Variants in FBXL7 observed in about 807,000 individuals in gnomAD.
FBXL7 encodes F-box and leucine rich repeat protein 7, also known as F-box/LRR-repeat protein 7.
A neutral mutation model predicts 38.3 loss-of-function variants in FBXL7; 12 were observed. That is an observed-to-expected ratio of 0.31 (90% CI 0.20 to 0.51). The LOEUF (loss-of-function observed/expected upper bound fraction) is 0.51, where lower values mean the gene tolerates loss of function less well. Among genes scored for constraint, FBXL7 ranks in the 20% least tolerant of loss-of-function variants. The pLI is 0.98. For synonymous variants in FBXL7, 297 were observed against 300.9 expected (o/e 0.99, Z 0.13); for missense variants, 567 against 676.4 (o/e 0.84, Z 1.79).
chr5:15,804,056 C>T lies in FBXL7; in HGVS notation c.128-123834C>T, dbSNP rs541039183. On this transcript the variant is annotated intron_variant, in intron 2 of 3. Transcript: ENST00000504595. ...ACCACATACTGTTATTTATGACTGTCCCTTCTGACCCAAATATTAAAATAA... is the reference window on the plus strand; with the variant it reads ...ACCACATACTGTTATTTATGACTGTTCCTTCTGACCCAAATATTAAAATAA... Among the ~76,000 whole-genome samples, 11 of 152,284 alleles carry T rather than the reference C, an allele frequency of 7.2e-5. No homozygotes were observed. In the South Asian group the frequency reaches 2.1e-3, roughly 29 times the overall value.
chr5:15,797,747 A>G (rs770072634), intron 2 of FBXL7, among the ~76,000 whole-genome samples: 1 of 152,262 alleles, frequency 6.6e-6, no homozygotes. Context: ...GGAAATGACT[A>G]GATTTTAATA....
At chr5:15,646,975 G>T (rs6878966) in intron 2 of FBXL7, among the ~76,000 whole-genome samples, 23,135 of 152,138 alleles carry the variant, frequency 0.15, 1,901 homozygotes, top group Non-Finnish European at 0.18. Context: ...CAGGAAAACC[G>T]CTAATTTAGT....
chr5:15,822,196 C>CA (rs5866161), intron 2 of FBXL7, among the ~76,000 whole-genome samples: 2,135 of 128,020 alleles, frequency 0.017, 34 homozygotes, highest in African/African-American at 0.042. Flanking sequence ...ACTAAAAATA[C>CA]AAAAAAAAAA....
intron 2 of FBXL7, among the ~76,000 whole-genome samples, chr5:15,665,238 A>G (rs1376774399): frequency 2.0e-5 from 3 of 152,182 alleles, no homozygotes; most frequent in Non-Finnish European, 4.4e-5. Context: ...AATTTTTACC[A>G]TGAGCCCCTG....
rs1443758402 is a variant in FBXL7 at position 15,937,130 on chromosome 5, G to A, written c.1420G>A (p.Val474Ile). ...CEVSVEALRF[V>I]KRHCKRCVIE... ...GGTCTCCGTGGAGGCCCTGCGCTTT[G>A]TCAAACGCCACTGCAAGCGCTGCGT... The change falls in exon 4 of 4, where the codon GTC becomes ATC. Residue 474 changes from valine to isoleucine, a missense_variant. Physicochemically the swap from Val to Ile is conservative, Grantham distance 29. Transcript: ENST00000504595. 3 of 1,610,968 alleles carry A rather than the reference G, an allele frequency of 1.9e-6. No individual in the cohort carries two copies. The African/African-American group carries it at 4.0e-5, about 22-fold the overall frequency.
At chr5:15,916,045 G>A (rs755653272) in intron 2 of FBXL7, among the ~76,000 whole-genome samples, 14 of 152,148 alleles carry the variant, frequency 9.2e-5, no homozygotes, top group Non-Finnish European at 1.9e-4. Flanking sequence ...AATACAGAAC[G>A]TAAGGCGGAA....
intron 2 of FBXL7, among the ~76,000 whole-genome samples, chr5:15,661,103 C>T (rs1447855117): frequency 6.6e-6 from 1 of 152,124 alleles, no homozygotes; most frequent in East Asian, 1.9e-4. Context: ...ATATATCTGA[C>T]TGTTAGGAAG....
At chr5:15,742,286 A>G (rs985134807) in intron 2 of FBXL7, among the ~76,000 whole-genome samples, 1 of 152,210 alleles carries the variant, frequency 6.6e-6, no homozygotes. Context: ...ATTTTAAAAT[A>G]TAGAGTCTGG....
At chr5:15,772,060 C>T (rs1040763880) in intron 2 of FBXL7, among the ~76,000 whole-genome samples, 19 of 151,492 alleles carry the variant, frequency 1.3e-4, no homozygotes, top group African/African-American at 2.4e-4. Flanking sequence ...CATGAGCCAC[C>T]GTGCCCAGAA....
intron 1 of FBXL7, among the ~76,000 whole-genome samples, chr5:15,533,645 A>T (rs949118370): frequency 6.6e-6 from 1 of 152,216 alleles, no homozygotes; most frequent in Non-Finnish European, 1.5e-5. Context: ...GAGGGATCCC[A>T]GTTCCTGCGG....
At chr5:15,854,686 A>G (rs1029548536) in intron 2 of FBXL7, among the ~76,000 whole-genome samples, 1 of 152,210 alleles carries the variant, frequency 6.6e-6, no homozygotes, top group African/African-American at 2.4e-5. Flanking sequence ...CACCTGTTGC[A>G]GGCTCATGCT....
chr5:15,604,197 G>A (rs1739915982), intron 1 of FBXL7, among the ~76,000 whole-genome samples: 1 of 152,110 alleles, frequency 6.6e-6, no homozygotes, highest in South Asian at 2.1e-4. Flanking sequence ...CTGTGTGAAA[G>A]TCATGTTCTT....
At chr5:15,879,535 T>G (rs1465538265) in intron 2 of FBXL7, among the ~76,000 whole-genome samples, 1 of 152,152 alleles carries the variant, frequency 6.6e-6, no homozygotes, top group Non-Finnish European at 1.5e-5. Flanking sequence ...GGGAACAAAA[T>G]CTTTGCTTAG....
intron 2 of FBXL7, among the ~76,000 whole-genome samples, chr5:15,655,190 A>G (rs534411986): frequency 1.9e-4 from 29 of 152,334 alleles, no homozygotes; most frequent in African/African-American, 6.7e-4. Flanking sequence ...GTGGTATCAG[A>G]AATGATGTAG....
chr5:15,592,226 G>A (rs1739501049), intron 1 of FBXL7, among the ~76,000 whole-genome samples: 1 of 152,106 alleles, frequency 6.6e-6, no homozygotes, highest in Non-Finnish European at 1.5e-5. Flanking sequence ...CCTTCTATCT[G>A]TCCATCCTCT....
At chr5:15,720,118 A>G (rs534918033) in intron 2 of FBXL7, among the ~76,000 whole-genome samples, 2 of 149,194 alleles carry the variant, frequency 1.3e-5, no homozygotes, top group South Asian at 4.4e-4. Flanking sequence ...GCTGTGCGTA[A>G]AATAGGATGT....
chr5:15,813,927 A>G (rs1737937766), intron 2 of FBXL7, among the ~76,000 whole-genome samples: 1 of 152,182 alleles, frequency 6.6e-6, no homozygotes, highest in South Asian at 2.1e-4. Flanking sequence ...TCAGAAAACA[A>G]CAGATACTGG....
chr5:15,527,290 CATA>C (rs1241140994), intron 1 of FBXL7, among the ~76,000 whole-genome samples: 1 of 152,082 alleles, frequency 6.6e-6, no homozygotes. Context: ...AGTCGAGTAT[CATA>C]ATCCCTAAAT....
intron 2 of FBXL7, among the ~76,000 whole-genome samples, chr5:15,664,713 G>A (rs1476101685): frequency 6.6e-6 from 1 of 151,592 alleles, no homozygotes; most frequent in Non-Finnish European, 1.5e-5. Context: ...CTCATGATCC[G>A]CCCACCTCAG....
Sources: gnomAD v4.1 joint callset for allele counts (sites outside exome capture counted in the v4.1 genomes callset) on GRCh38, gnomAD v4.1.1 for gene constraint, MANE v1.5 for transcripts, NCBI Gene and HGNC (gene_info 2026-07-23, HGNC 2026-07-21) for gene names.